The following CHMP4B variants were observed in gnomAD, a reference collection of about 807,000 sequenced individuals.
CHMP4B encodes the protein SNF7 homolog associated with Alix 1.
Under a neutral mutation model 25.1 loss-of-function variants are expected in CHMP4B, and 1 was observed. The observed-to-expected ratio is 0.04, with a 90% CI of 0.01 to 0.19. The LOEUF is 0.19. CHMP4B is among the 10% of genes least tolerant of loss of function. The pLI is 1.00. For synonymous variants in CHMP4B, 101 were observed against 115.6 expected, an observed-to-expected ratio of 0.87 and a Z score of 0.81; for missense variants, 151 against 289.7, an observed-to-expected ratio of 0.52 and a Z score of 3.48.
chr20:33,850,145 C>T (rs920525867), intron 2 of CHMP4B, among the ~76,000 whole-genome samples: 10 of 152,186 alleles, frequency 6.6e-5, no homozygotes, highest in Admixed American at 2.6e-4. Flanking sequence ...TTTTGTGCTA[C>T]GCAGCAGGGT....
At chr20:33,830,748 T>TG (rs767014247) in intron 1 of CHMP4B, among the ~76,000 whole-genome samples, 1 of 152,074 alleles carries the variant, frequency 6.6e-6, no homozygotes, top group Non-Finnish European at 1.5e-5. Flanking sequence ...ATATGAATTC[T>TG]GGGGGGATAC....
At chr20:33,833,197 C>T (rs908157887) in intron 1 of CHMP4B, among the ~76,000 whole-genome samples, 3 of 152,102 alleles carry the variant, frequency 2.0e-5, no homozygotes, top group African/African-American at 7.2e-5. Context: ...ATTTTGAAGC[C>T]CATGGCCCCA....
chr20:33,848,684 G>A, intron 2 of CHMP4B, 40 bp downstream of exon 2: 2 of 1,610,410 alleles, frequency 1.2e-6, no homozygotes, highest in Non-Finnish European at 1.7e-6. Context: ...GGCAGTGCTA[G>A]TCCCGGAATG....
intron 2 of CHMP4B, 53 bp downstream of exon 2, chr20:33,848,697 T>C (rs1211722476): frequency 6.3e-7 from 1 of 1,597,218 alleles, no homozygotes; most frequent in Non-Finnish European, 8.6e-7. Context: ...CCGGAATGCC[T>C]CGTACCCAGG....
At chr20:33,839,883 A>G (rs1380491786) in intron 1 of CHMP4B, among the ~76,000 whole-genome samples, 1 of 152,214 alleles carries the variant, frequency 6.6e-6, no homozygotes. Context: ...TGGCCTTTCA[A>G]GTGGTACAGT....
chr20:33,815,227 A>G (rs1367918866), intron 1 of CHMP4B, among the ~76,000 whole-genome samples: 5 of 152,206 alleles, frequency 3.3e-5, no homozygotes, highest in African/African-American at 1.2e-4. Context: ...ACGCATGCCA[A>G]GCTCCTAGGA....
At chr20:33,828,940 G>A (rs1266333029) in intron 1 of CHMP4B, among the ~76,000 whole-genome samples, 1 of 151,264 alleles carries the variant, frequency 6.6e-6, no homozygotes, top group African/African-American at 2.5e-5. Flanking sequence ...CTTGAGAAGA[G>A]AACAATATTT....
chr20:33,820,570 T>C (rs1305891799), intron 1 of CHMP4B, among the ~76,000 whole-genome samples: 4 of 152,146 alleles, frequency 2.6e-5, no homozygotes, highest in African/African-American at 7.2e-5. Flanking sequence ...TCTAGCCAAG[T>C]GACACAAGTA....
At chr20:33,840,298 C>T (rs1979501864) in intron 1 of CHMP4B, among the ~76,000 whole-genome samples, 1 of 151,364 alleles carries the variant, frequency 6.6e-6, no homozygotes, top group East Asian at 1.9e-4. Flanking sequence ...CAGAGATCCC[C>T]AGAGACAATG....
At position 33,819,730 on chromosome 20, in the gene CHMP4B, C is replaced by T. The variant is rs553037543; in HGVS notation, c.190+8072C>T. 3.3e-4 allele frequency among the ~76,000 whole-genome samples: 50 copies of T among 152,306 alleles called. 2 individuals are homozygous for T. The South Asian group carries it at 1.0e-2, about 30-fold the overall frequency. ...GCCTGAGTTCACATTCCACCTCTGC[C>T]GCTTGCTAGTTTGGTAACCCAGGGT... On this transcript the variant is annotated intron_variant, in intron 1 of 4. Coordinates refer to ENST00000217402, the MANE Select transcript of CHMP4B (RefSeq NM_176812.5).
At chr20:33,845,941 A>C (rs1297651114) in intron 1 of CHMP4B, among the ~76,000 whole-genome samples, 1 of 152,176 alleles carries the variant, frequency 6.6e-6, no homozygotes, top group Non-Finnish European at 1.5e-5. Flanking sequence ...ACTTGGGCTT[A>C]TGGAGAGAAT....
chr20:33,827,635 G>A (rs976760231), intron 1 of CHMP4B, among the ~76,000 whole-genome samples: 10 of 152,238 alleles, frequency 6.6e-5, no homozygotes, highest in African/African-American at 2.4e-4. Context: ...TGGTACCTGA[G>A]CCTTGTTTGG....
At chr20:33,848,232 A>G (rs1434603621) in intron 1 of CHMP4B, among the ~76,000 whole-genome samples, 1 of 151,944 alleles carries the variant, frequency 6.6e-6, no homozygotes, top group African/African-American at 2.4e-5. Context: ...GTGCGTGGTT[A>G]CCCGAGGGTT....
intron 1 of CHMP4B, among the ~76,000 whole-genome samples, chr20:33,819,783 C>T (rs1379788207): frequency 1.3e-5 from 2 of 152,188 alleles, no homozygotes; most frequent in African/African-American, 4.8e-5. Context: ...TGAACAACAG[C>T]TTCTTTAGCT....
intron 1 of CHMP4B, among the ~76,000 whole-genome samples, chr20:33,825,326 T>C (rs1979066186): frequency 6.6e-6 from 1 of 152,204 alleles, no homozygotes; most frequent in South Asian, 2.1e-4. Flanking sequence ...TGGTAGATGG[T>C]CACATGGTAG....
chr20:33,853,012 C>G (rs1979899115), intron 4 of CHMP4B, among the ~76,000 whole-genome samples: 1 of 152,206 alleles, frequency 6.6e-6, no homozygotes, highest in African/African-American at 2.4e-5. Flanking sequence ...TGGTCACCTC[C>G]CTCTCCCATG....
At chr20:33,813,038 A>G (rs1487643168) in intron 1 of CHMP4B, among the ~76,000 whole-genome samples, 1 of 151,778 alleles carries the variant, frequency 6.6e-6, no homozygotes, top group African/African-American at 2.4e-5. Context: ...ATGGTCTGAT[A>G]GGGAGTGGTG....
At chr20:33,820,818 G>A (rs1260776323) in intron 1 of CHMP4B, among the ~76,000 whole-genome samples, 2 of 152,138 alleles carry the variant, frequency 1.3e-5, no homozygotes. Flanking sequence ...AGAAAAACCA[G>A]GAACGTGGAA....
rs574980998 is a variant in CHMP4B at position 33,841,153 on chromosome 20, G to A, written c.191-7314G>A. ...TTTGTCCCTTTCAAACAGATAAGGGGCTTCTTTCTTTCTGTCTAGAATTTT... is the reference window on the plus strand; with the variant it reads ...TTTGTCCCTTTCAAACAGATAAGGGACTTCTTTCTTTCTGTCTAGAATTTT... On this transcript the variant is annotated intron_variant, in intron 1 of 4. Transcript: ENST00000217402. Among the ~76,000 whole-genome samples, 186 of 152,302 alleles carry A rather than the reference G, an allele frequency of 1.2e-3. 1 individual carries two copies. The highest frequency in any genetic ancestry group is 2.1e-3 in the Non-Finnish European group (143 of 68,014).
Sources: gnomAD v4.1 joint callset for allele counts (sites outside exome capture counted in the v4.1 genomes callset) on GRCh38, gnomAD v4.1.1 for gene constraint, MANE v1.5 for transcripts, NCBI Gene and HGNC (gene_info 2026-07-23, HGNC 2026-07-21) for gene names.